The following SCN8A variants were observed in gnomAD, a reference collection of about 807,000 sequenced individuals.
SCN8A encodes the protein sodium voltage-gated channel alpha subunit 8, also known as sodium channel protein type 8 subunit alpha.
In SCN8A, 30 loss-of-function variants were observed where a neutral mutation model predicts 184.1. The ratio of observed to expected loss-of-function variants is 0.16; its 90% CI spans 0.12 to 0.22. SCN8A has a LOEUF of 0.22. Ranked by LOEUF, SCN8A falls within the 10% of genes least tolerant of loss-of-function variation. The pLI is 1.00. For synonymous variants in SCN8A, 852 were observed against 907.0 expected, an observed-to-expected ratio of 0.94 and a Z score of 1.09; for missense variants, 1,057 against 2,498.9, an observed-to-expected ratio of 0.42 and a Z score of 12.30.
chr12:51,678,557 CTCTT>C (rs1447646104), intron 2 of SCN8A, among the ~76,000 whole-genome samples: 1 of 152,202 alleles, frequency 6.6e-6, no homozygotes, highest in Non-Finnish European at 1.5e-5. Context: ...GCAGCCCTCT[CTCTT>C]ATTTTATAGA....
chr12:51,791,776 G>C (rs1463636766), intron 25 of SCN8A, among the ~76,000 whole-genome samples: 3 of 152,168 alleles, frequency 2.0e-5, no homozygotes, highest in Non-Finnish European at 2.9e-5. Context: ...CTACGTAGGA[G>C]GCTGAGGTAA....
Position 51,711,110 on chromosome 12 carries a change from A to G in SCN8A, c.1635+4395A>G, listed in dbSNP as rs116322603. Among the ~76,000 whole-genome samples the G allele has an allele frequency of 8.0e-3, 1,222 of 152,312 alleles. 7 individuals carry two copies. The highest frequency in any genetic ancestry group is 0.027 in the African/African-American group (1,127 of 41,558). ...TCTTCTAGTTCAGCCTCTTTTGGGGAAAGTATGATAGTAGCTTTGTTGTAA... is the reference window on the plus strand; with the variant it reads ...TCTTCTAGTTCAGCCTCTTTTGGGGGAAGTATGATAGTAGCTTTGTTGTAA... On this transcript the variant is annotated intron_variant, in intron 11 of 26. Transcript: ENST00000627620.
In SCN8A at chr12:51,807,333, T is replaced by C. The variant is rs751637843; in HGVS notation, c.5847T>C (p.Ser1949=). 1.9e-5 allele frequency: 30 copies of C among 1,613,292 alleles called. No individual in the cohort carries two copies. The highest frequency in any genetic ancestry group is 1.2e-4 in the Admixed American group (7 of 59,950). Residue 1949 remains serine (S), a synonymous_variant, in exon 27 of 27, where the codon AGT becomes AGC. Transcript: ENST00000627620. The surrounding 1 kb of genome is among the most constrained non-coding windows in gnomAD (Gnocchi z 4.5). ...PSTASLPSYD[S]VTKPEKEKQQ... The stretch of plus-strand genomic sequence containing the variant: ...CAGCCTCCCTCCCGTCCTATGACAG[T>C]GTAACTAAACCTGAAAAGGAGAAAC...
In SCN8A at chr12:51,686,468, C is replaced by G; in HGVS notation, c.485+11C>G. 1 of 1,524,972 alleles carries G rather than the reference C, an allele frequency of 6.6e-7. No homozygotes were observed. Among genetic ancestry groups the G allele is most frequent in the South Asian group, 1.1e-5 (1 of 88,796 alleles). The allele number at this position is 1,524,972 out of a possible 1,614,324, so 94.5% of individuals were successfully genotyped here. A position where few individuals can be genotyped will look rare whatever the true frequency, so the allele number is the denominator to read the frequency against. ...GTCGAAGAATGTGGAGTAAGTAACT[C>G]ATTTATGTGTGTGCTTGTTTGTTTT... On this transcript the variant is annotated intron_variant, in intron 4 of 26. Coordinates refer to ENST00000627620, the MANE Select transcript of SCN8A (RefSeq NM_001330260.2).
chr12:51,596,833 T>C (rs1206596109), intron 1 of SCN8A, among the ~76,000 whole-genome samples: 1 of 152,200 alleles, frequency 6.6e-6, no homozygotes, highest in Non-Finnish European at 1.5e-5. Context: ...TAAACACATA[T>C]ACTTGGCTAT....
At chr12:51,605,755 T>C (rs1358575394) in intron 1 of SCN8A, among the ~76,000 whole-genome samples, 1 of 152,186 alleles carries the variant, frequency 6.6e-6, no homozygotes, top group Non-Finnish European at 1.5e-5. Flanking sequence ...CACCAACATC[T>C]ACTGTTTTTT....
At chr12:51,599,580 A>G (rs1939421749) in intron 1 of SCN8A, among the ~76,000 whole-genome samples, 1 of 152,226 alleles carries the variant, frequency 6.6e-6, no homozygotes, top group Admixed American at 6.5e-5. Flanking sequence ...TTCATTCATA[A>G]CATGGAGAAT....
chr12:51,715,830 A>G (rs1055362531), intron 11 of SCN8A, among the ~76,000 whole-genome samples: 8 of 152,300 alleles, frequency 5.3e-5, no homozygotes, highest in Admixed American at 1.3e-4. Context: ...GAAGTGAAGC[A>G]GTGACCCCGT....
intron 1 of SCN8A, among the ~76,000 whole-genome samples, chr12:51,597,137 G>A (rs1338772278): frequency 1.3e-5 from 2 of 152,184 alleles, no homozygotes; most frequent in African/African-American, 4.8e-5. Flanking sequence ...AAAGCCAGAA[G>A]CCTGAGGGTC....
chr12:51,676,669 C>G (rs1022045692), intron 2 of SCN8A, among the ~76,000 whole-genome samples: 1 of 152,116 alleles, frequency 6.6e-6, no homozygotes, highest in Admixed American at 6.5e-5. Context: ...ATGAGAGGAC[C>G]AGTTAGTTCT....
chr12:51,611,408 T>C (rs1469469177), intron 1 of SCN8A, among the ~76,000 whole-genome samples: 2 of 152,134 alleles, frequency 1.3e-5, no homozygotes, highest in Admixed American at 6.5e-5. Context: ...TGTGATCGCC[T>C]TCCTCAGCCT....
chr12:51,696,315 G>A (rs950889803), intron 6 of SCN8A, among the ~76,000 whole-genome samples: 2 of 152,178 alleles, frequency 1.3e-5, no homozygotes, highest in African/African-American at 2.4e-5. Context: ...TTTGAAAACA[G>A]TAAACTTGCG....
chr12:51,788,343 G>A (rs570665437), intron 22 of SCN8A, among the ~76,000 whole-genome samples: 1 of 136,140 alleles, frequency 7.3e-6, no homozygotes, highest in Admixed American at 7.9e-5. Flanking sequence ...TTCCTCAGTG[G>A]AATGGAATGC....
At chr12:51,773,119 A>AAAG (rs1942954684) in intron 19 of SCN8A, among the ~76,000 whole-genome samples, 1 of 147,514 alleles carries the variant, frequency 6.8e-6, no homozygotes, top group African/African-American at 2.5e-5. Context: ...TCCGTCTCCA[A>AAAG]AAAAAAAAAA....
intron 2 of SCN8A, among the ~76,000 whole-genome samples, chr12:51,664,557 C>T (rs1940994478): frequency 6.6e-6 from 1 of 152,008 alleles, no homozygotes; most frequent in Non-Finnish European, 1.5e-5. Flanking sequence ...CAAGCTACCA[C>T]AGATAATTTA....
At chr12:51,790,000 A>C (rs1006686117) in intron 24 of SCN8A, among the ~76,000 whole-genome samples, 1 of 152,270 alleles carries the variant, frequency 6.6e-6, no homozygotes, top group African/African-American at 2.4e-5. Flanking sequence ...CATCTAAAAT[A>C]AATTGGCTAT....
In SCN8A at chr12:51,703,997, A is replaced by G. The variant is rs140714757; in HGVS notation, c.1134+1083A>G. Among the ~76,000 whole-genome samples, 713 of 151,996 alleles carry G rather than the reference A, an allele frequency of 4.7e-3. 5 individuals are homozygous for G. Among genetic ancestry groups the G allele is most frequent in the African/African-American group, 0.014 (588 of 41,470 alleles). On this transcript the variant is annotated intron_variant, in intron 9 of 26. Transcript: ENST00000627620. The stretch of plus-strand genomic sequence containing the variant: ...CTCTGTTCACTGCAGCCTCCAAACA[A>G]TTCTCCTGCCTCAGCCTCCCGAGTA...
At chr12:51,742,245 C>A (rs1276089691) in intron 12 of SCN8A, among the ~76,000 whole-genome samples, 1 of 152,124 alleles carries the variant, frequency 6.6e-6, no homozygotes, top group Non-Finnish European at 1.5e-5. Context: ...TACAGTGTTA[C>A]AATATTCTGT....
chr12:51,647,420 G>A (rs967283121), intron 1 of SCN8A, among the ~76,000 whole-genome samples: 4 of 152,200 alleles, frequency 2.6e-5, no homozygotes, highest in Admixed American at 2.6e-4. Context: ...AAATAGCTCA[G>A]CTTTGGGTAA....
Sources: allele counts gnomAD v4.1 joint callset (sites outside exome capture counted in the v4.1 genomes callset), GRCh38; gene constraint gnomAD v4.1.1; non-coding constraint Gnocchi (gnomAD v3.1); transcripts MANE v1.5; gene names NCBI Gene and HGNC (gene_info 2026-07-23, HGNC 2026-07-21).